Variants in NRXN3 observed in about 807,000 individuals in gnomAD.
The protein encoded by NRXN3 is neurexin 3.
In NRXN3, 32 loss-of-function variants were observed where a neutral mutation model predicts 137.6. The observed-to-expected ratio is 0.23, with a 90% CI of 0.18 to 0.31. The LOEUF (loss-of-function observed/expected upper bound fraction) is 0.31. Among genes scored for constraint, NRXN3 ranks in the 10% least tolerant of loss-of-function variants. The pLI is 1.00. For missense variants in NRXN3, 1,574 were observed against 2,062.5 expected (o/e 0.76, Z 4.59); for synonymous variants, 798 against 784.5 (o/e 1.02, Z -0.29).
At chr14:79,257,349 G>A (rs1053000835) in intron 15 of NRXN3, among the ~76,000 whole-genome samples, 5 of 70,834 alleles carry the variant, frequency 7.1e-5, no homozygotes, top group Non-Finnish European at 1.2e-4. Flanking sequence ...ATTCCTGGTG[G>A]TGGTGGTGGT....
chr14:78,495,106 CTG>C (rs2095751180), intron 4 of NRXN3, among the ~76,000 whole-genome samples: 1 of 128,412 alleles, frequency 7.8e-6, no homozygotes, highest in South Asian at 2.8e-4. Flanking sequence ...TTTTGTCAAA[CTG>C]TTTGTATATG....
At chr14:78,503,820 T>A (rs1162306685) in intron 4 of NRXN3, among the ~76,000 whole-genome samples, 1 of 152,154 alleles carries the variant, frequency 6.6e-6, no homozygotes, top group Non-Finnish European at 1.5e-5. Context: ...ACTTTACATG[T>A]GTTGTTCCAG....
intron 3 of NRXN3, among the ~76,000 whole-genome samples, chr14:78,295,685 T>C (rs767012855): frequency 7.2e-5 from 11 of 152,156 alleles, no homozygotes; most frequent in Non-Finnish European, 1.2e-4. Flanking sequence ...AAAATTCTGA[T>C]TCATTAGGTC....
chr14:79,563,928 C>T (rs1403209679), intron 16 of NRXN3, among the ~76,000 whole-genome samples: 3 of 151,812 alleles, frequency 2.0e-5, no homozygotes, highest in African/African-American at 7.3e-5. Context: ...AAAATTGCTG[C>T]CCAGATGAGT....
At chr14:79,738,315 C>CCACACACACACACACACA (rs10539564) in intron 19 of NRXN3, among the ~76,000 whole-genome samples, 408 of 138,042 alleles carry the variant, frequency 3.0e-3, no homozygotes, top group Non-Finnish European at 4.7e-3. Context: ...ATTTCCCCCG[C>CCACACACACACACACACA]CACACACACA....
chr14:79,201,947 A>G (rs1250640707), intron 15 of NRXN3, among the ~76,000 whole-genome samples: 1 of 152,252 alleles, frequency 6.6e-6, no homozygotes, highest in Non-Finnish European at 1.5e-5. Context: ...GGCTAAAGCC[A>G]TATAGTTAGT....
chr14:78,746,904 A>T (rs1353499746), intron 8 of NRXN3, among the ~76,000 whole-genome samples: 1 of 152,234 alleles, frequency 6.6e-6, no homozygotes, highest in East Asian at 1.9e-4. Context: ...CAATTGAGAA[A>T]GAATTGTGAA....
intron 20 of NRXN3, among the ~76,000 whole-genome samples, chr14:79,851,519 C>T (rs556540716): frequency 2.6e-5 from 4 of 152,030 alleles, no homozygotes; most frequent in African/African-American, 4.8e-5. Context: ...ATAAAAGGGG[C>T]GTCCCATAGC....
intron 19 of NRXN3, among the ~76,000 whole-genome samples, chr14:79,789,351 G>A (rs1252103521): frequency 6.6e-6 from 1 of 152,082 alleles, no homozygotes; most frequent in Non-Finnish European, 1.5e-5. Context: ...ACGGGGAGCA[G>A]GAAGGATTTG....
chr14:78,223,616 G>C (rs2064118723), intron 1 of NRXN3, among the ~76,000 whole-genome samples: 1 of 152,166 alleles, frequency 6.6e-6, no homozygotes, highest in South Asian at 2.1e-4. Context: ...GTTGGGTTGT[G>C]CCTGTTCTTC....
chr14:79,482,626 A>T (rs567677461), intron 16 of NRXN3, among the ~76,000 whole-genome samples: 1 of 152,264 alleles, frequency 6.6e-6, no homozygotes, highest in East Asian at 1.9e-4. Flanking sequence ...CTGAACATCC[A>T]TCTACATTTC....
At chr14:78,746,613 A>T (rs1349729239) in intron 8 of NRXN3, among the ~76,000 whole-genome samples, 1 of 152,200 alleles carries the variant, frequency 6.6e-6, no homozygotes, top group Non-Finnish European at 1.5e-5. Context: ...ACCTTATCTA[A>T]TGAGAACTGG....
At chr14:78,851,092 A>C (rs1214704817) in intron 10 of NRXN3, among the ~76,000 whole-genome samples, 2 of 152,132 alleles carry the variant, frequency 1.3e-5, no homozygotes, top group Non-Finnish European at 2.9e-5. Flanking sequence ...TGAAGTAGGA[A>C]ATTCTTTGGT....
intron 15 of NRXN3, among the ~76,000 whole-genome samples, chr14:79,040,431 T>A (rs1595258418): frequency 1.3e-5 from 2 of 152,190 alleles, no homozygotes; most frequent in African/African-American, 4.8e-5. Flanking sequence ...TGAAGAAGAA[T>A]GGACAAACAC....
At chr14:79,093,413 AT>A (rs1397141537) in intron 15 of NRXN3, among the ~76,000 whole-genome samples, 2 of 152,144 alleles carry the variant, frequency 1.3e-5, no homozygotes, top group Non-Finnish European at 2.9e-5. Context: ...CAACTGAGAA[AT>A]TTTAAGAAGC....
At chr14:79,019,111 T>C (rs762808934) in intron 15 of NRXN3, among the ~76,000 whole-genome samples, 15 of 152,210 alleles carry the variant, frequency 9.9e-5, no homozygotes, top group Admixed American at 3.9e-4. Flanking sequence ...ACAAGCACTT[T>C]GGAGACAGTA....
chr14:79,592,425 A>G (rs977089700), intron 16 of NRXN3, among the ~76,000 whole-genome samples: 2 of 151,910 alleles, frequency 1.3e-5, no homozygotes, highest in African/African-American at 4.8e-5. Context: ...GCATTCTTCA[A>G]TTATTACCTT....
chr14:78,273,498 A>C (rs2073105168), intron 2 of NRXN3, among the ~76,000 whole-genome samples: 1 of 152,138 alleles, frequency 6.6e-6, no homozygotes, highest in South Asian at 2.1e-4. Context: ...CAGACACAGA[A>C]GGGACGCAGC....
At chr14:78,780,890 T>A (rs2098766842) in intron 8 of NRXN3, among the ~76,000 whole-genome samples, 1 of 152,200 alleles carries the variant, frequency 6.6e-6, no homozygotes, top group South Asian at 2.1e-4. Context: ...GAAATACAAT[T>A]TAGCATTGAA....
Sources: gnomAD v4.1 joint callset for allele counts (sites outside exome capture counted in the v4.1 genomes callset) on GRCh38, gnomAD v4.1.1 for gene constraint, MANE v1.5 for transcripts, NCBI Gene and HGNC (gene_info 2026-07-23, HGNC 2026-07-21) for gene names.